The following DMD variants were observed in gnomAD, a reference collection of about 807,000 sequenced individuals.
DMD encodes mutant dystrophin.
DMD carries 63 observed loss-of-function variants against 330.1 expected under a neutral mutation model. The observed-to-expected ratio is 0.19, with a 90% CI of 0.16 to 0.24. The LOEUF is 0.24. Among genes scored for constraint, DMD ranks in the 10% least tolerant of loss-of-function variants. The probability of loss-of-function intolerance (pLI) is 1.00; values close to 1 mark genes in which losing one functional copy is unlikely to be tolerated. For synonymous variants in DMD, 1,223 were observed against 959.8 expected, an observed-to-expected ratio of 1.27 and a Z score of -5.07; for missense variants, 3,344 against 2,684.1, an observed-to-expected ratio of 1.25 and a Z score of -5.43.
intron 55 of DMD, among the ~76,000 whole-genome samples, chrX:31,614,378 G>A (rs1331966811): frequency 8.9e-6 from 1 of 112,028 alleles, no homozygotes; most frequent in Non-Finnish European, 1.9e-5. Flanking sequence ...AAAGGTGTTG[G>A]AGGTGAATAG....
chrX:31,250,773 ATG>A (rs1437648611), intron 63 of DMD, among the ~76,000 whole-genome samples: 1 of 111,217 alleles, frequency 9.0e-6, no homozygotes, highest in Non-Finnish European at 1.9e-5. Context: ...AAAATCTGTG[ATG>A]TGTAGTATGT....
intron 17 of DMD, among the ~76,000 whole-genome samples, chrX:32,523,192 T>C (rs228341): frequency 0.19 from 20,447 of 110,505 alleles, 1,514 homozygotes; most frequent in African/African-American, 0.24. Flanking sequence ...CACTTTGGCA[T>C]GCTGAAACTT....
At chrX:31,726,122 C>T (rs1437841850) in intron 52 of DMD, among the ~76,000 whole-genome samples, 1 of 112,123 alleles carries the variant, frequency 8.9e-6, no homozygotes, top group Non-Finnish European at 1.9e-5. Context: ...TTCATTTGAT[C>T]TGATTTAGAC....
intron 45 of DMD, among the ~76,000 whole-genome samples, chrX:31,946,514 G>T (rs1331120675): frequency 9.0e-6 from 1 of 111,658 alleles, no homozygotes; most frequent in East Asian, 2.8e-4. Flanking sequence ...TTGGTACAAG[G>T]TACAGATGAA....
At chrX:32,621,444 T>C (rs1037690659) in intron 11 of DMD, among the ~76,000 whole-genome samples, 2 of 110,482 alleles carry the variant, frequency 1.8e-5, no homozygotes, top group Non-Finnish European at 3.8e-5. Flanking sequence ...GACTCAGAGA[T>C]TGACCAATAA....
At chrX:32,582,359 A>C (rs1178681898) in intron 13 of DMD, among the ~76,000 whole-genome samples, 1 of 111,973 alleles carries the variant, frequency 8.9e-6, no homozygotes, top group Non-Finnish European at 1.9e-5. Context: ...TTATATCAGC[A>C]CAAATAGAAA....
chrX:32,717,932 T>A (rs1243431247), intron 7 of DMD, among the ~76,000 whole-genome samples: 2 of 111,556 alleles, frequency 1.8e-5, no homozygotes, highest in Non-Finnish European at 3.8e-5. Flanking sequence ...CCCTTTCTTC[T>A]GATCGATTTA....
intron 12 of DMD, among the ~76,000 whole-genome samples, chrX:32,612,768 G>C (rs1397696517): frequency 1.8e-5 from 2 of 111,231 alleles, no homozygotes; most frequent in African/African-American, 6.5e-5. Flanking sequence ...TTGCAATACA[G>C]TTGATGTTTT....
At chrX:33,176,423 A>G (rs899875737) in intron 1 of DMD, among the ~76,000 whole-genome samples, 4 of 15,697 alleles carry the variant, frequency 2.5e-4, no homozygotes, top group Admixed American at 2.0e-3. Flanking sequence ...AGTTAATGTA[A>G]AAAAAAAAAA....
At chrX:33,062,729 G>A (rs1857253469) in intron 1 of DMD, among the ~76,000 whole-genome samples, 2 of 111,586 alleles carry the variant, frequency 1.8e-5, no homozygotes, top group South Asian at 3.7e-4. Flanking sequence ...CACCCGCCTC[G>A]GCCTCCCAAA....
chrX:32,832,689 G>A (rs1039314723), intron 4 of DMD, among the ~76,000 whole-genome samples: 7 of 111,672 alleles, frequency 6.3e-5, no homozygotes, highest in African/African-American at 1.6e-4. Context: ...TGCAGCATGT[G>A]CTTTTACACC....
At chrX:32,805,822 C>G (rs1459330035) in intron 7 of DMD, among the ~76,000 whole-genome samples, 1 of 111,793 alleles carries the variant, frequency 8.9e-6, no homozygotes, top group African/African-American at 3.3e-5. Flanking sequence ...AATTTCATAG[C>G]CAGTCAAACT....
intron 7 of DMD, among the ~76,000 whole-genome samples, chrX:32,723,270 G>T (rs1188864718): frequency 9.0e-6 from 1 of 110,780 alleles, no homozygotes; most frequent in African/African-American, 3.3e-5. Flanking sequence ...TGTGTCCTAG[G>T]GCTAAACCCA....
intron 7 of DMD, among the ~76,000 whole-genome samples, chrX:32,795,004 A>C (rs187431741): frequency 8.9e-6 from 1 of 112,347 alleles, no homozygotes; most frequent in Middle Eastern, 4.2e-3. Context: ...AACAAATTGA[A>C]GAGTACACCA....
intron 42 of DMD, among the ~76,000 whole-genome samples, chrX:32,297,767 TG>T (rs1001136048): frequency 3.1e-4 from 34 of 110,985 alleles, no homozygotes; most frequent in Non-Finnish European, 5.9e-4. Context: ...AAGGATAAAG[TG>T]GGGGTCAGAA....
intron 1 of DMD, among the ~76,000 whole-genome samples, chrX:33,219,656 C>T (rs981913086): frequency 2.7e-5 from 3 of 110,872 alleles, no homozygotes; most frequent in African/African-American, 9.8e-5. Context: ...AAAATAATGA[C>T]TCCTCACTTT....
intron 60 of DMD, among the ~76,000 whole-genome samples, chrX:31,422,152 C>T (rs757889250): frequency 1.7e-3 from 182 of 106,461 alleles, no homozygotes; most frequent in South Asian, 2.5e-3. Context: ...ACTATGGGTG[C>T]ATGCCACCAC....
intron 1 of DMD, among the ~76,000 whole-genome samples, chrX:33,030,799 G>A: frequency 9.0e-6 from 1 of 111,058 alleles, no homozygotes; most frequent in Middle Eastern, 4.7e-3. Flanking sequence ...AAAATACATT[G>A]TTCTGTGGTG....
intron 44 of DMD, among the ~76,000 whole-genome samples, chrX:32,196,809 C>A (rs754865921): frequency 7.2e-4 from 78 of 108,962 alleles, no homozygotes; most frequent in African/African-American, 2.3e-3. Context: ...CACGGTGAAA[C>A]CCCGTCTCTA....
Sources: gnomAD v4.1 joint callset for allele counts (sites outside exome capture counted in the v4.1 genomes callset) on GRCh38, gnomAD v4.1.1 for gene constraint, MANE v1.5 for transcripts, NCBI Gene and HGNC (gene_info 2026-07-23, HGNC 2026-07-21) for gene names.